ROBO2: variants seen among roughly 807,000 people sequenced by gnomAD.
The protein encoded by ROBO2 is roundabout homolog 2.
A neutral mutation model predicts 160.8 loss-of-function variants in ROBO2; 53 were observed. The observed-to-expected ratio is 0.33, with a 90% confidence interval of 0.26 to 0.41. The LOEUF is 0.41. ROBO2 is among the 10% of genes least tolerant of loss of function. ROBO2 has a pLI of 1.00. For synonymous variants in ROBO2, 664 were observed against 611.7 expected, an observed-to-expected ratio of 1.09 and a Z score of -1.26; for missense variants, 1,577 against 1,722.4, an observed-to-expected ratio of 0.92 and a Z score of 1.49.
chr3:77,201,539 A>C (rs2082913087), intron 2 of ROBO2, among the ~76,000 whole-genome samples: 1 of 152,358 alleles, frequency 6.6e-6, no homozygotes, highest in Admixed American at 6.5e-5. Context: ...GGAACATGAT[A>C]AAATATTTTA....
At chr3:76,699,558 GC>G (rs1429896136) in intron 2 of ROBO2, among the ~76,000 whole-genome samples, 4 of 152,060 alleles carry the variant, frequency 2.6e-5, no homozygotes, top group African/African-American at 9.7e-5. Context: ...GTTTTAAATT[GC>G]TGCCCAGACT....
intron 6 of ROBO2, among the ~76,000 whole-genome samples, chr3:77,531,695 G>GA (rs1297365325): frequency 6.6e-6 from 1 of 152,096 alleles, no homozygotes; most frequent in East Asian, 1.9e-4. Context: ...TTGGATATTG[G>GA]AAAATCACAG....
At chr3:76,453,570 G>A (rs1399252059) in intron 2 of ROBO2, among the ~76,000 whole-genome samples, 6 of 152,084 alleles carry the variant, frequency 3.9e-5, no homozygotes, top group Admixed American at 3.9e-4. Flanking sequence ...TGCTGTTTTG[G>A]TTACTGTAGC....
chr3:77,450,955 A>T (rs972994681), intron 2 of ROBO2, among the ~76,000 whole-genome samples: 5 of 152,120 alleles, frequency 3.3e-5, no homozygotes, highest in Non-Finnish European at 4.4e-5. Flanking sequence ...TTGAAATTCT[A>T]CAAAGTCAAA....
At chr3:77,580,201 G>T (rs1275271938) in intron 16 of ROBO2, 83 bp downstream of exon 17, 3 of 1,224,868 alleles carry the variant, frequency 2.4e-6, no homozygotes, top group African/African-American at 3.0e-5. Context: ...CCTACTAATA[G>T]TGAATATACA....
chr3:76,734,212 A>T (rs1355225768), intron 2 of ROBO2, among the ~76,000 whole-genome samples: 1 of 152,150 alleles, frequency 6.6e-6, no homozygotes, highest in Non-Finnish European at 1.5e-5. Flanking sequence ...ATTTATCAAG[A>T]TATATGTTAA....
chr3:77,587,794 T>C (rs2153682925), intron 16 of ROBO2, among the ~76,000 whole-genome samples: 1 of 152,248 alleles, frequency 6.6e-6, no homozygotes, highest in East Asian at 1.9e-4. Flanking sequence ...TATATTTTGC[T>C]TACCATTTAC....
At chr3:76,612,558 G>C (rs986770124) in intron 2 of ROBO2, among the ~76,000 whole-genome samples, 11 of 152,054 alleles carry the variant, frequency 7.2e-5, no homozygotes, top group African/African-American at 2.7e-4. Context: ...TTGGGGTAGG[G>C]GACAAGGGGA....
intron 2 of ROBO2, among the ~76,000 whole-genome samples, chr3:76,416,361 T>A (rs2075757204): frequency 6.6e-6 from 1 of 152,130 alleles, no homozygotes; most frequent in Admixed American, 6.5e-5. Context: ...AAGTTAAATA[T>A]GAAGTAGCTT....
chr3:76,671,651 A>C (rs1016422009), intron 2 of ROBO2, among the ~76,000 whole-genome samples: 1 of 152,206 alleles, frequency 6.6e-6, no homozygotes, highest in Non-Finnish European at 1.5e-5. Context: ...TAATGCTAAC[A>C]GTCATACAAG....
intron 2 of ROBO2, among the ~76,000 whole-genome samples, chr3:76,112,117 C>G (rs550409481): frequency 6.6e-6 from 1 of 152,120 alleles, no homozygotes; most frequent in Non-Finnish European, 1.5e-5. Flanking sequence ...CTTTCTTTGC[C>G]TTTGCTTCCC....
intron 2 of ROBO2, among the ~76,000 whole-genome samples, chr3:76,809,950 T>C (rs905742642): frequency 2.6e-5 from 4 of 151,980 alleles, no homozygotes; most frequent in Non-Finnish European, 5.9e-5. Context: ...GAAAATATAA[T>C]GGAAATAGGA....
intron 2 of ROBO2, among the ~76,000 whole-genome samples, chr3:76,352,373 CT>C (rs1256807965): frequency 1.3e-5 from 2 of 152,014 alleles, no homozygotes; most frequent in Admixed American, 1.3e-4. Context: ...GCTTCCTCTT[CT>C]TGCTTGCTCT....
At chr3:76,723,554 A>G (rs978024942) in intron 2 of ROBO2, among the ~76,000 whole-genome samples, 2 of 152,088 alleles carry the variant, frequency 1.3e-5, no homozygotes, top group East Asian at 1.9e-4. Flanking sequence ...GCCTCCTATT[A>G]TAAGTCTAGG....
At chr3:76,064,467 A>G (rs1296049158) in intron 2 of ROBO2, among the ~76,000 whole-genome samples, 1 of 152,136 alleles carries the variant, frequency 6.6e-6, no homozygotes, top group Non-Finnish European at 1.5e-5. Flanking sequence ...GCTACTAGGT[A>G]GTTCCACTCT....
At chr3:77,154,102 G>A (rs967268492) in intron 2 of ROBO2, among the ~76,000 whole-genome samples, 8 of 151,584 alleles carry the variant, frequency 5.3e-5, no homozygotes, top group African/African-American at 1.9e-4. Flanking sequence ...ACTGCTAACA[G>A]AATTATAATG....
intron 2 of ROBO2, among the ~76,000 whole-genome samples, chr3:76,161,258 A>G (rs1242482355): frequency 6.6e-6 from 1 of 152,146 alleles, no homozygotes; most frequent in African/African-American, 2.4e-5. Flanking sequence ...TAAAGTTTCT[A>G]ATCAAATTTG....
At chr3:76,601,346 C>G (rs1013896206) in intron 2 of ROBO2, among the ~76,000 whole-genome samples, 1 of 152,188 alleles carries the variant, frequency 6.6e-6, no homozygotes, top group African/African-American at 2.4e-5. Flanking sequence ...GGGGGTCCAA[C>G]CCCACGTTTC....
intron 2 of ROBO2, among the ~76,000 whole-genome samples, chr3:77,255,614 A>G (rs1304369634): frequency 6.6e-6 from 1 of 152,234 alleles, no homozygotes; most frequent in Non-Finnish European, 1.5e-5. Context: ...AATTCCTACC[A>G]TAGCAATTTA....
Sources: gnomAD v4.1 joint callset for allele counts (sites outside exome capture counted in the v4.1 genomes callset) on GRCh38, gnomAD v4.1.1 for gene constraint, MANE v1.5 for transcripts, NCBI Gene and HGNC (gene_info 2026-07-23, HGNC 2026-07-21) for gene names.